FAM120B: variants seen among roughly 807,000 people sequenced by gnomAD.
FAM120B encodes family with sequence similarity 120 member B, also known as constitutive coactivator of peroxisome proliferator-activated receptor gamma.
In FAM120B, 83 loss-of-function variants were observed where a neutral mutation model predicts 96.3. That is an observed-to-expected ratio of 0.86 (90% CI 0.72 to 1.03). FAM120B has a LOEUF of 1.03. FAM120B is among the 50% of genes least tolerant of loss of function. The probability of loss-of-function intolerance (pLI) is 0.00; values close to 1 mark genes in which losing one functional copy is unlikely to be tolerated. For missense variants in FAM120B, 1,027 were observed against 1,121.2 expected (o/e 0.92, Z 1.20); for synonymous variants, 407 against 402.7 (o/e 1.01, Z -0.13).
intron 6 of FAM120B, among the ~76,000 whole-genome samples, chr6:170,367,188 A>G (rs1312082487): frequency 6.6e-6 from 1 of 152,270 alleles, no homozygotes; most frequent in East Asian, 1.9e-4. Context: ...TTATTTTGCT[A>G]CAAATTAATG....
rs763756108 is a variant in FAM120B at position 170,318,311 on chromosome 6, A to G, written c.921A>G (p.Pro307=). Residue 307 remains proline, a synonymous_variant, in exon 2 of 11, where the codon CCA becomes CCG. Transcript: ENST00000476287. ...AAGGAATGGCATCATATCTTTTACC[A>G]GGACAAAAATCTCCATGGTTTTTCC... ...FYKGMASYLL[P]GQKSPWFFQK... is the part of the protein sequence containing the mutation. 1 of 1,614,200 alleles carries G rather than the reference A, an allele frequency of 6.2e-7. No homozygotes were observed. The highest frequency in any genetic ancestry group is 2.2e-5 in the East Asian group (1 of 44,894).
chr6:170,306,114 C>T (rs1022116757), upstream of FAM120B, among the ~76,000 whole-genome samples: 1 of 152,234 alleles, frequency 6.6e-6, no homozygotes, highest in Admixed American at 6.5e-5. Flanking sequence ...CTGCCTGAAA[C>T]AACTTTCAGC....
intron 1 of FAM120B, chr6:170,297,910 G>A (rs907167420): frequency 6.6e-6 from 1 of 152,164 alleles, no homozygotes; most frequent in African/African-American, 2.4e-5. Context: ...AAACTCTAGC[G>A]GTTGTTATAA....
At chr6:170,337,999 T>G (rs568405889) in intron 4 of FAM120B, among the ~76,000 whole-genome samples, 2 of 152,308 alleles carry the variant, frequency 1.3e-5, no homozygotes, top group Non-Finnish European at 2.9e-5. Flanking sequence ...TTCATTGATT[T>G]TTTTGAAGGG....
intron 6 of FAM120B, among the ~76,000 whole-genome samples, chr6:170,380,078 A>G (rs148196252): frequency 6.6e-6 from 1 of 152,216 alleles, no homozygotes; most frequent in East Asian, 1.9e-4. Flanking sequence ...AAGATTCCAC[A>G]TGCAGGTGAG....
At chr6:170,294,072 C>T (rs1783945454), upstream of FAM120B, among the ~76,000 whole-genome samples, 1 of 152,128 alleles carries the variant, frequency 6.6e-6, no homozygotes, top group South Asian at 2.1e-4. This position sits in a 1 kb window ranked among gnomAD's most constrained non-coding sequence, Gnocchi z 7.9. Context: ...CGTTTTTTCA[C>T]TCCCTAACTG....
rs1005120731 is a variant in FAM120B at position 170,317,751 on chromosome 6, T to C, written c.361T>C (p.Ser121Pro). 6.2e-7 allele frequency: 1 copy of C among 1,613,988 alleles called. No individual in the cohort carries two copies. Among genetic ancestry groups the C allele is most frequent in the Non-Finnish European group, 8.5e-7 (1 of 1,179,984 alleles). ...EISRIFHYIKSHKEQPGRNMF... is the reference protein window; with the variant it reads ...EISRIFHYIKPHKEQPGRNMF... ...ATCCAGGATTTTTCATTACATCAAG[T>C]CACACAAGGAGCAGCCAGGCAGAAA... Residue 121 changes from serine to proline, a missense_variant, in exon 2 of 11, where the codon TCA becomes CCA. Ser to Pro is a moderately conservative substitution (Grantham distance 74, BLOSUM62 -1). This residue lies in a region of FAM120B where 880 missense variants were observed against 980.9 expected (regional missense o/e 0.90). Transcript: ENST00000476287.
At position 170,323,074 on chromosome 6, in the gene FAM120B, A is replaced by G; in HGVS notation, c.1735-5A>G. 1.3e-6 allele frequency: 2 copies of G among 1,594,746 alleles called. No individual in the cohort carries two copies. The highest frequency in any genetic ancestry group is 1.1e-5 in the South Asian group (1 of 87,652). ...GAAATTCAGTTGTATTTAAATTTCA[A>G]ACAGGTTGCTAGAACACATCACGTC... On this transcript the variant is annotated splice_polypyrimidine_tract_variant and splice_region_variant and intron_variant, in intron 2 of 10. Coordinates refer to ENST00000476287, the MANE Select transcript of FAM120B (RefSeq NM_032448.3).
intron 1 of FAM120B, among the ~76,000 whole-genome samples, chr6:170,308,571 C>G (rs1361519010): frequency 1.3e-5 from 2 of 152,158 alleles, no homozygotes; most frequent in East Asian, 3.9e-4. Context: ...TAATGAAGTT[C>G]AGGTTTCTAG....
rs1175586987 is a variant in FAM120B, at chr6:170,319,025, CAT to C, written c.1636_1637del (p.Met546ValfsTer5). The C allele has an allele frequency of 3.1e-6, 5 of 1,613,938 alleles. No individual in the cohort carries two copies. Among genetic ancestry groups the C allele is most frequent in the Admixed American group, 1.7e-5 (1 of 60,020 alleles). On this transcript the variant is annotated frameshift_variant, in exon 2 of 11. Transcript: ENST00000476287. LOFTEE classifies it high-confidence loss of function. ...TDFEFKLEAL[M>X]CTNPEIKQED... ...ATTTTGAATTTAAGCTAGAAGCTCT[CAT>C]GTGTACAAACCCTGAAATTAAACAA...
At chr6:170,403,154 T>C (rs1778670312) in intron 9 of FAM120B, among the ~76,000 whole-genome samples, 1 of 152,172 alleles carries the variant, frequency 6.6e-6, no homozygotes, top group African/African-American at 2.4e-5. Flanking sequence ...CATGCGGAAG[T>C]AGTTACAAAA....
rs555364677 is a variant in FAM120B, at chr6:170,382,354, T to C, written c.2284-5933T>C. 3.4e-3 allele frequency among the ~76,000 whole-genome samples: 516 copies of C among 152,238 alleles called. 3 individuals are homozygous for C. The highest frequency in any genetic ancestry group is 0.011 in the African/African-American group (475 of 41,546). On this transcript the variant is annotated intron_variant, in intron 6 of 10. Coordinates refer to ENST00000476287, the MANE Select transcript of FAM120B (RefSeq NM_032448.3). ...GAGAGGTCAGGGCTCTGGTGATCCA[T>C]GATCACATCACCATACTCCAGCCTG...
At chr6:170,310,704 A>G (rs1784539359) in intron 1 of FAM120B, among the ~76,000 whole-genome samples, 1 of 152,240 alleles carries the variant, frequency 6.6e-6, no homozygotes, top group Non-Finnish European at 1.5e-5. Context: ...CAGTGGGACT[A>G]GAGGGGCTGC....
At chr6:170,339,505 G>C (rs961502385) in intron 4 of FAM120B, among the ~76,000 whole-genome samples, 1 of 151,854 alleles carries the variant, frequency 6.6e-6, no homozygotes. Flanking sequence ...TAAGAATGTC[G>C]GGGCCAGGCG....
chr6:170,296,528 C>A (rs1024771269), intron 1 of FAM120B, among the ~76,000 whole-genome samples: 1 of 151,836 alleles, frequency 6.6e-6, no homozygotes, highest in Non-Finnish European at 1.5e-5. Flanking sequence ...CCGGCCGCCG[C>A]CTCGTGCGGG....
At chr6:170,358,632 A>C (rs1160505121) in intron 6 of FAM120B, among the ~76,000 whole-genome samples, 1 of 152,178 alleles carries the variant, frequency 6.6e-6, no homozygotes, top group Non-Finnish European at 1.5e-5. Flanking sequence ...TGGTGTTAGC[A>C]GTTTTGGCCC....
At chr6:170,384,531 G>A (rs1196980073) in intron 6 of FAM120B, among the ~76,000 whole-genome samples, 1 of 152,190 alleles carries the variant, frequency 6.6e-6, no homozygotes, top group African/African-American at 2.4e-5. Flanking sequence ...AGGTAGAAAT[G>A]GCCATGAGAG....
chr6:170,383,440 T>C (rs970077339), intron 6 of FAM120B, among the ~76,000 whole-genome samples: 2 of 152,282 alleles, frequency 1.3e-5, no homozygotes, highest in South Asian at 4.1e-4. Context: ...CTAGAAAATA[T>C]AAAGAATCTC....
chr6:170,394,203 T>C (rs775226534), intron 8 of FAM120B, among the ~76,000 whole-genome samples: 17 of 152,056 alleles, frequency 1.1e-4, no homozygotes, highest in Non-Finnish European at 2.1e-4. Flanking sequence ...TAGACTGGGG[T>C]AAAACACCAC....
Sources: gnomAD v4.1 joint callset for allele counts (sites outside exome capture counted in the v4.1 genomes callset) on GRCh38, gnomAD v4.1.1 for gene constraint, gnomAD v4.1.1 regional missense constraint, Gnocchi (gnomAD v3.1) non-coding constraint, MANE v1.5 for transcripts, NCBI Gene and HGNC (gene_info 2026-07-23, HGNC 2026-07-21) for gene names.